FLT1: variants seen among roughly 807,000 people sequenced by gnomAD.
FLT1 encodes the protein fms related receptor tyrosine kinase 1.
Under a neutral mutation model 156.3 loss-of-function variants are expected in FLT1, and 49 were observed. That is an observed-to-expected ratio of 0.31 (90% CI 0.25 to 0.40). The LOEUF is 0.40. FLT1 is among the 10% of genes least tolerant of loss of function. FLT1 has a pLI of 1.00. For missense variants in FLT1, 1,322 were observed against 1,637.2 expected, an observed-to-expected ratio of 0.81 and a Z score of 3.32; for synonymous variants, 594 against 583.8, an observed-to-expected ratio of 1.02 and a Z score of -0.25.
chr13:28,428,914 T>G (rs181083406), intron 8 of FLT1, among the ~76,000 whole-genome samples: 6 of 152,170 alleles, frequency 3.9e-5, no homozygotes, highest in African/African-American at 1.4e-4. Flanking sequence ...TTACAAATAT[T>G]GTCTTGGTAT....
At chr13:28,360,167 A>T (rs189799013) in intron 14 of FLT1, among the ~76,000 whole-genome samples, 1 of 152,218 alleles carries the variant, frequency 6.6e-6, no homozygotes. Context: ...ATTAGCTATT[A>T]TTAAAAAGAT....
At chr13:28,412,240 G>A (rs1876246534) in intron 10 of FLT1, among the ~76,000 whole-genome samples, 1 of 152,180 alleles carries the variant, frequency 6.6e-6, no homozygotes, top group African/African-American at 2.4e-5. Flanking sequence ...GCGATTGTGT[G>A]TCTGAGCCAT....
At chr13:28,435,640 A>G (rs1215791742) in intron 4 of FLT1, among the ~76,000 whole-genome samples, 1 of 152,138 alleles carries the variant, frequency 6.6e-6, no homozygotes, top group Non-Finnish European at 1.5e-5. Context: ...ATTTATTTCT[A>G]TTGCTTGCTG....
intron 4 of FLT1, among the ~76,000 whole-genome samples, chr13:28,435,911 G>A (rs1325643327): frequency 6.6e-6 from 1 of 152,186 alleles, no homozygotes; most frequent in Non-Finnish European, 1.5e-5. Context: ...TTTAGTGCAA[G>A]CAAAGGAAAA....
intron 1 of FLT1, among the ~76,000 whole-genome samples, chr13:28,486,832 A>G (rs1881195966): frequency 6.6e-6 from 1 of 152,230 alleles, no homozygotes; most frequent in Non-Finnish European, 1.5e-5. Context: ...GTGATGATTT[A>G]GTGCCTTTTA....
chr13:28,366,894 C>T (rs1230518172), intron 14 of FLT1, among the ~76,000 whole-genome samples: 1 of 152,216 alleles, frequency 6.6e-6, no homozygotes, highest in Non-Finnish European at 1.5e-5. Context: ...GCCCACTCCA[C>T]TGTGGGCTCC....
At chr13:28,386,436 T>C in intron 13 of FLT1, 5 of 1,042,094 alleles carry the variant, frequency 4.8e-6, no homozygotes, top group Non-Finnish European at 5.8e-6. Context: ...ATTAGTCTTC[T>C]CATTTTATAA....
At chr13:28,346,107 C>T (rs1363977230) in intron 15 of FLT1, 4 of 155,408 alleles carry the variant, frequency 2.6e-5, no homozygotes, top group Non-Finnish European at 4.3e-5. Flanking sequence ...CAGCCCAAAG[C>T]GCCCACATCC....
intron 4 of FLT1, among the ~76,000 whole-genome samples, chr13:28,434,532 A>G (rs144166274): frequency 6.6e-6 from 1 of 152,350 alleles, no homozygotes; most frequent in East Asian, 1.9e-4. Context: ...GTTGGAGCCC[A>G]TAACTCTTTG....
chr13:28,460,471 A>G (rs144484945), intron 3 of FLT1, among the ~76,000 whole-genome samples: 2 of 152,306 alleles, frequency 1.3e-5, no homozygotes, highest in East Asian at 3.9e-4. Context: ...CAACATCTGC[A>G]GACAGATTCC....
intron 1 of FLT1, among the ~76,000 whole-genome samples, chr13:28,473,725 A>G (rs867529512): frequency 2.2e-5 from 2 of 89,404 alleles, no homozygotes; most frequent in Admixed American, 1.2e-4. Flanking sequence ...AAAGAAAGAA[A>G]GAAAGAAGGA....
chr13:28,472,751 C>A (rs926501599), intron 1 of FLT1, among the ~76,000 whole-genome samples: 2 of 152,268 alleles, frequency 1.3e-5, no homozygotes, highest in African/African-American at 4.8e-5. Context: ...CATGGGCGGG[C>A]CACATTAAGC....
At chr13:28,320,169 G>A (rs974242629) in intron 23 of FLT1, among the ~76,000 whole-genome samples, 1 of 152,096 alleles carries the variant, frequency 6.6e-6, no homozygotes, top group Non-Finnish European at 1.5e-5. Context: ...ATGGGATAAA[G>A]GAGAGACAAG....
intron 1 of FLT1, among the ~76,000 whole-genome samples, chr13:28,474,378 C>A (rs1278258854): frequency 6.6e-6 from 1 of 152,052 alleles, no homozygotes; most frequent in Non-Finnish European, 1.5e-5. Context: ...ATCACTTGAA[C>A]CTGGAGGAGG....
intron 11 of FLT1, among the ~76,000 whole-genome samples, chr13:28,397,694 T>C (rs776783655): frequency 2.0e-5 from 3 of 151,860 alleles, no homozygotes; most frequent in Non-Finnish European, 4.4e-5. Context: ...GCTTGAAACT[T>C]TTTTTCTATG....
intron 25 of FLT1, among the ~76,000 whole-genome samples, chr13:28,315,393 A>G (rs947386809): frequency 1.6e-4 from 24 of 152,192 alleles, no homozygotes; most frequent in Non-Finnish European, 3.4e-4. Context: ...CATCTCTACA[A>G]AAAAATATAA....
chr13:28,374,760 A>G (rs981111219), intron 14 of FLT1, among the ~76,000 whole-genome samples: 4 of 151,880 alleles, frequency 2.6e-5, no homozygotes, highest in African/African-American at 4.8e-5. Flanking sequence ...TGATCCGCCC[A>G]CCTCGGCCTC....
chr13:28,303,133 A>G lies in FLT1; in HGVS notation c.*34T>C. 5 of 1,585,922 alleles carry G rather than the reference A, an allele frequency of 3.2e-6. No individual in the cohort carries two copies. Among genetic ancestry groups the G allele is most frequent in the Non-Finnish European group, 4.3e-6 (5 of 1,164,116 alleles). On this transcript the variant is annotated 3_prime_UTR_variant, in exon 30 of 30. Coordinates refer to ENST00000282397, the MANE Select transcript of FLT1 (RefSeq NM_002019.4). ...TAGTTTCCTGGGGGTATAAATACAC[A>G]TGTGCTTCTAGAAATAAGGCTTCGT... is the stretch of plus-strand genomic sequence containing the variant.
intron 1 of FLT1, among the ~76,000 whole-genome samples, chr13:28,471,235 G>A (rs1229675781): frequency 6.6e-6 from 1 of 152,192 alleles, no homozygotes; most frequent in Non-Finnish European, 1.5e-5. Flanking sequence ...GTAAACAGAA[G>A]TATAAGGAAC....
Sources: allele counts gnomAD v4.1 joint callset (sites outside exome capture counted in the v4.1 genomes callset), GRCh38; gene constraint gnomAD v4.1.1; transcripts MANE v1.5; gene names NCBI Gene and HGNC (gene_info 2026-07-23, HGNC 2026-07-21).